The following PIKFYVE variants were observed in gnomAD, a reference collection of about 807,000 sequenced individuals.
PIKFYVE encodes 1-phosphatidylinositol 3-phosphate 5-kinase.
A neutral mutation model predicts 257.9 loss-of-function variants in PIKFYVE; 122 were observed. That is an observed-to-expected ratio of 0.47 (90% CI 0.41 to 0.55). The LOEUF is 0.55. Among genes scored for constraint, PIKFYVE ranks in the 20% least tolerant of loss-of-function variants. PIKFYVE has a pLI of 0.00. For missense variants in PIKFYVE, 2,160 were observed against 2,536.6 expected (o/e 0.85, Z 3.19); for synonymous variants, 892 against 868.9 (o/e 1.03, Z -0.47).
Position 208,298,682 on chromosome 2 carries a change from C to T in PIKFYVE, c.953C>T (p.Ser318Phe). Residue 318 changes from serine to phenylalanine, a missense_variant, in exon 8 of 42, where the codon TCT (serine) becomes TTT (phenylalanine). Transcript: ENST00000264380. ...ITNLSLDRSG[S>F]PMVPSYETSV... ...AACCTGTCACTGGATAGATCTGGTTCTCCTATGGTACCTTCATATGAGACA... is the reference window on the plus strand; with the variant it reads ...AACCTGTCACTGGATAGATCTGGTTTTCCTATGGTACCTTCATATGAGACA... 6.2e-7 allele frequency: 1 copy of T among 1,614,060 alleles called. No homozygotes were observed. The highest frequency in any genetic ancestry group is 8.5e-7 in the Non-Finnish European group (1 of 1,179,942).
At position 208,350,900 on chromosome 2, in the gene PIKFYVE, G is replaced by A. The variant is rs971201419; in HGVS notation, c.5564G>A (p.Trp1855Ter). ...CGTTCCCTCTCCCACTCATCACCCT[G>A]GCAGGCCCGGGGAGGCAAATCAGGA... The part of the protein sequence containing the change: ...FIRSLSHSSP[W>*]QARGGKSGAA... The change falls in exon 37 of 42, where the codon TGG becomes TAG. Residue 1855 changes from tryptophan to a stop codon, truncating the protein, a stop_gained. Transcript: ENST00000264380. LOFTEE classifies it high-confidence loss of function. 6.2e-7 allele frequency: 1 copy of A among 1,614,046 alleles called. No homozygotes were observed. The highest frequency in any genetic ancestry group is 8.5e-7 in the Non-Finnish European group (1 of 1,180,042).
In PIKFYVE at chr2:208,329,310, G is replaced by C. The variant is rs557909317; in HGVS notation, c.3720-532G>C. 2.6e-5 allele frequency among the ~76,000 whole-genome samples: 4 copies of C among 152,286 alleles called. No individual in the cohort carries two copies. In the South Asian group the frequency reaches 8.3e-4, roughly 32 times the overall value. On this transcript the variant is annotated intron_variant, in intron 21 of 41. Coordinates refer to ENST00000264380, the MANE Select transcript of PIKFYVE (RefSeq NM_015040.4). ...ATAGCTTCAGCAGGAAGACTTGGGA[G>C]TGGCAGAACCCATGGGAATTATCTC...
chr2:208,335,152 G>C (rs1405743569), intron 24 of PIKFYVE, among the ~76,000 whole-genome samples, 154 bp from the exon 25 acceptor site: 1 of 152,154 alleles, frequency 6.6e-6, no homozygotes, highest in Non-Finnish European at 1.5e-5. Flanking sequence ...TATTGTAACA[G>C]CTAAAAATTA....
Position 208,325,525 on chromosome 2 carries a change from A to C in PIKFYVE, c.2714A>C (p.Gln905Pro). 2 of 1,614,190 alleles carry C rather than the reference A, an allele frequency of 1.2e-6. No homozygotes were observed. Among genetic ancestry groups the C allele is most frequent in the Non-Finnish European group, 1.7e-6 (2 of 1,180,004 alleles). Reference sequence around the variant, plus strand: ...GGGCATGAGGGGGCTGTCCAAGAGCAGTACGGTGGAGGTTCCATCCCCTGG... The same window carrying C: ...GGGCATGAGGGGGCTGTCCAAGAGCCGTACGGTGGAGGTTCCATCCCCTGG... ...GRGHEGAVQE[Q>P]YGGGSIPWDP... is the part of the protein sequence containing the mutation. Residue 905 changes from glutamine (Q) to proline (P), a missense_variant, in exon 20 of 42, where the codon CAG becomes CCG. Coordinates refer to ENST00000264380, the MANE Select transcript of PIKFYVE (RefSeq NM_015040.4).
chr2:208,273,321 G>A (rs1689672169), intron 2 of PIKFYVE, among the ~76,000 whole-genome samples: 1 of 151,946 alleles, frequency 6.6e-6, no homozygotes. Flanking sequence ...ATCTAGGCTG[G>A]GCACAGTGGC....
intron 5 of PIKFYVE, among the ~76,000 whole-genome samples, chr2:208,283,387 A>G (rs916722140): frequency 3.9e-5 from 6 of 152,292 alleles, no homozygotes; most frequent in African/African-American, 1.4e-4. Context: ...TGCGCTTAAT[A>G]GGCTCTTGCT....
At chr2:208,330,070 A>G (rs1192386179) in intron 22 of PIKFYVE, among the ~76,000 whole-genome samples, 157 bp downstream of exon 22, 2 of 152,216 alleles carry the variant, frequency 1.3e-5, no homozygotes, top group Non-Finnish European at 2.9e-5. Context: ...GTAATAATCT[A>G]TTTCATATTT....
intron 7 of PIKFYVE, among the ~76,000 whole-genome samples, chr2:208,293,340 A>T (rs1313290966): frequency 6.6e-6 from 1 of 152,150 alleles, no homozygotes; most frequent in Admixed American, 6.6e-5. Context: ...AAGAGTAAGA[A>T]AAAGAAAAGT....
At chr2:208,293,857 C>T (rs562183912) in intron 7 of PIKFYVE, among the ~76,000 whole-genome samples, 3 of 152,060 alleles carry the variant, frequency 2.0e-5, no homozygotes, top group African/African-American at 2.4e-5. Flanking sequence ...TTATTTTTGA[C>T]TTTCTGCCAT....
At chr2:208,303,581 G>A (rs887468038) in intron 10 of PIKFYVE, among the ~76,000 whole-genome samples, 4 of 152,102 alleles carry the variant, frequency 2.6e-5, no homozygotes, top group African/African-American at 7.2e-5. Context: ...CTTCATCCTC[G>A]TTTCGTGTTG....
chr2:208,328,916 A>C (rs1173493539), intron 21 of PIKFYVE, among the ~76,000 whole-genome samples: 1 of 152,204 alleles, frequency 6.6e-6, no homozygotes, highest in Non-Finnish European at 1.5e-5. Context: ...TTGACACACA[A>C]AAAGCTTGTT....
chr2:208,301,181 T>C, intron 9 of PIKFYVE, 87 bp downstream of exon 9: 1 of 1,519,754 alleles, frequency 6.6e-7, no homozygotes. Context: ...ACAGATTTCT[T>C]TGTAGAGTTA....
chr2:208,320,160 A>G, intron 16 of PIKFYVE, 92 bp from the exon 17 acceptor site: 1 of 1,475,584 alleles, frequency 6.8e-7, no homozygotes, highest in Non-Finnish European at 9.1e-7. Flanking sequence ...GTTAGTAGGA[A>G]TTATGAACAA....
At chr2:208,344,185 A>G (rs1000314423) in intron 32 of PIKFYVE, among the ~76,000 whole-genome samples, 2 of 151,914 alleles carry the variant, frequency 1.3e-5, no homozygotes, top group Middle Eastern at 3.2e-3. Context: ...GTTTAAAGCA[A>G]TTTTTTCCCA....
intron 28 of PIKFYVE, 109 bp downstream of exon 28, chr2:208,337,037 G>C: frequency 1.2e-6 from 1 of 814,836 alleles, no homozygotes; most frequent in East Asian, 3.0e-5. Flanking sequence ...ATGATATCCA[G>C]TAGGGTTTTC....
intron 7 of PIKFYVE, among the ~76,000 whole-genome samples, chr2:208,293,316 C>G (rs951090940): frequency 6.6e-6 from 1 of 152,058 alleles, no homozygotes; most frequent in Non-Finnish European, 1.5e-5. Flanking sequence ...AAATAGTTAT[C>G]TGTTACATCA....
At chr2:208,318,501 G>A (rs969506642) in intron 16 of PIKFYVE, among the ~76,000 whole-genome samples, 1 of 152,200 alleles carries the variant, frequency 6.6e-6, no homozygotes, top group Admixed American at 6.5e-5. Context: ...GTCATTAAAG[G>A]TCTTGAACTT....
chr2:208,290,561 G>A (rs1347811670), intron 7 of PIKFYVE, among the ~76,000 whole-genome samples: 2 of 152,168 alleles, frequency 1.3e-5, no homozygotes, highest in Non-Finnish European at 2.9e-5. Context: ...TCAGTTACGA[G>A]CAAGGCTGTT....
Position 208,347,880 on chromosome 2 carries a change from T to G in PIKFYVE, c.5231T>G (p.Leu1744Trp). The stretch of plus-strand genomic sequence containing the variant: ...TTAGCCAAAAAGGCTTCTGGAATGT[T>G]GTCCTTCTTCAGAGGGACAGCAGGG... ...PQPTKKASGMLSFFRGTAGKS... is the reference protein window; with the variant it reads ...PQPTKKASGMWSFFRGTAGKS... Residue 1744 changes from leucine to tryptophan, a missense_variant, in exon 35 of 42, where the codon TTG becomes TGG. Leu to Trp is a moderately conservative substitution (Grantham distance 61). Transcript: ENST00000264380. 6.2e-7 allele frequency: 1 copy of G among 1,613,712 alleles called. No homozygotes were observed. The highest frequency in any genetic ancestry group is 8.5e-7 in the Non-Finnish European group (1 of 1,179,810).
Sources: gnomAD v4.1 joint callset for allele counts (sites outside exome capture counted in the v4.1 genomes callset) on GRCh38, gnomAD v4.1.1 for gene constraint, MANE v1.5 for transcripts, NCBI Gene and HGNC (gene_info 2026-07-23, HGNC 2026-07-21) for gene names.